Variants in CNOT6 observed in about 807,000 individuals in gnomAD.
The protein encoded by CNOT6 is CCR4-NOT transcription complex subunit 6, also known as carbon catabolite repression 4 protein.
CNOT6 carries 12 observed loss-of-function variants against 61.2 expected under a neutral mutation model. The ratio of observed to expected loss-of-function variants is 0.20; its 90% CI spans 0.13 to 0.32. The LOEUF (loss-of-function observed/expected upper bound fraction) is 0.32. CNOT6 is among the 10% of genes least tolerant of loss of function. CNOT6 has a pLI of 1.00. For missense variants in CNOT6, 405 were observed against 663.9 expected (o/e 0.61, Z 4.28); for synonymous variants, 225 against 240.6 (o/e 0.94, Z 0.60).
chr5:180,533,312 C>CTATATGTATATATA (rs71591497), intron 2 of CNOT6, among the ~76,000 whole-genome samples: 2 of 127,630 alleles, frequency 1.6e-5, no homozygotes, highest in African/African-American at 6.2e-5. Flanking sequence ...GGATGAAAAC[C>CTATATGTATATATA]TATATATATA....
rs573179056 is a variant in CNOT6, at chr5:180,495,390, C to T, written c.-3+627C>T. ...TCTACAAGCAGTTTTCTCTGGTAACCCAAATTGCATCCCTCCTTTTTGTTT... is the reference window on the plus strand; with the variant it reads ...TCTACAAGCAGTTTTCTCTGGTAACTCAAATTGCATCCCTCCTTTTTGTTT... On this transcript the variant is annotated intron_variant, in intron 1 of 11. Transcript: ENST00000261951. The T allele has an allele frequency of 3.3e-5, 5 of 152,298 alleles. No homozygotes were observed. In the South Asian group the frequency reaches 6.2e-4, roughly 19 times the overall value. 9.4% of individuals were successfully genotyped at this position (152,298 alleles called of 1,614,324 possible).
In CNOT6 at chr5:180,566,640, C is replaced by CTT. The variant is rs70973940; in HGVS notation, c.718-422_718-421dup. Among the ~76,000 whole-genome samples the CTT allele has an allele frequency of 7.5e-3, 565 of 75,586 alleles. 41 individuals carry two copies. Among genetic ancestry groups the CTT allele is most frequent in the Non-Finnish European group, 8.6e-3 (362 of 41,894 alleles). The allele number at this position is 75,586 out of a possible 152,430, so 49.6% of individuals were successfully genotyped here. ...GATAAATAGTGTTGAAAAGATGTTACTTTTTTTTTTTTTTTTTTTTTTTTT... is the reference window on the plus strand; with the variant it reads ...GATAAATAGTGTTGAAAAGATGTTACTTTTTTTTTTTTTTTTTTTTTTTTTTT... On this transcript the variant is annotated intron_variant, in intron 7 of 11. Transcript: ENST00000261951.
chr5:180,545,546 T>C (rs1039534360), intron 2 of CNOT6, among the ~76,000 whole-genome samples: 2 of 152,242 alleles, frequency 1.3e-5, no homozygotes, highest in Non-Finnish European at 2.9e-5. Context: ...TGTTGGTTTT[T>C]AGTAGTTCAT....
Position 180,575,020 on chromosome 5 carries a change from T to C in CNOT6, c.*820T>C, listed in dbSNP as rs1010526932. Reference sequence around the variant, plus strand: ...GACATTTATGGACTGAATGTAATGGTTGATATATGTACATTCTGATATTTT... The same window carrying C: ...GACATTTATGGACTGAATGTAATGGCTGATATATGTACATTCTGATATTTT... On this transcript the variant is annotated 3_prime_UTR_variant, in exon 12 of 12. Coordinates refer to ENST00000261951, the MANE Select transcript of CNOT6 (RefSeq NM_001370472.1). 5 of 152,604 alleles carry C rather than the reference T, an allele frequency of 3.3e-5. No homozygotes were observed. The highest frequency in any genetic ancestry group is 5.9e-5 in the Non-Finnish European group (4 of 68,038). The allele number at this position is 152,604 out of a possible 1,614,324, so 9.5% of individuals were successfully genotyped here. A position where few individuals can be genotyped will look rare whatever the true frequency, so the allele number is the denominator to read the frequency against.
chr5:180,571,552 T>A (rs1174014139), intron 11 of CNOT6, 120 bp downstream of exon 11: 4 of 716,226 alleles, frequency 5.6e-6, no homozygotes, highest in Non-Finnish European at 7.1e-6. Flanking sequence ...AGTCTTGAAT[T>A]CATTGACAGC....
chr5:180,540,872 A>G (rs1758995718), intron 2 of CNOT6, among the ~76,000 whole-genome samples: 1 of 152,134 alleles, frequency 6.6e-6, no homozygotes, highest in South Asian at 2.1e-4. Flanking sequence ...AAAATTGGTT[A>G]GTATTTTTCC....
At chr5:180,509,293 G>A (rs1382301274) in intron 1 of CNOT6, among the ~76,000 whole-genome samples, 1 of 151,984 alleles carries the variant, frequency 6.6e-6, no homozygotes, top group Non-Finnish European at 1.5e-5. Context: ...CACCACACTT[G>A]GTTAATTTTG....
intron 4 of CNOT6, 21 bp from the exon 5 acceptor site, chr5:180,564,468 T>A: frequency 6.6e-7 from 1 of 1,519,062 alleles, no homozygotes; most frequent in Non-Finnish European, 9.1e-7. Context: ...TTCATTTTAC[T>A]TATTTCAAAA....
At chr5:180,556,627 C>G (rs1403810467) in intron 4 of CNOT6, among the ~76,000 whole-genome samples, 1 of 152,160 alleles carries the variant, frequency 6.6e-6, no homozygotes, top group African/African-American at 2.4e-5. Context: ...TGTTCCTGCC[C>G]CAGCTCACTG....
intron 1 of CNOT6, among the ~76,000 whole-genome samples, chr5:180,522,884 A>G (rs1757940812): frequency 1.3e-5 from 2 of 152,346 alleles, no homozygotes; most frequent in South Asian, 4.1e-4. Context: ...ATATCCTTAT[A>G]ACGAACCAGT....
At chr5:180,510,529 T>C (rs1348848340) in intron 1 of CNOT6, among the ~76,000 whole-genome samples, 2 of 152,166 alleles carry the variant, frequency 1.3e-5, no homozygotes, top group Admixed American at 1.3e-4. Context: ...ATTTGTAGAA[T>C]TCAAATCATA....
chr5:180,497,842 G>A (rs1480422226), intron 1 of CNOT6, among the ~76,000 whole-genome samples: 2 of 152,040 alleles, frequency 1.3e-5, no homozygotes, highest in Non-Finnish European at 2.9e-5. Context: ...TTAGGAGTTC[G>A]AGACCAGCCT....
chr5:180,556,398 C>G (rs1759893864), intron 4 of CNOT6, among the ~76,000 whole-genome samples: 3 of 152,158 alleles, frequency 2.0e-5, no homozygotes, highest in Middle Eastern at 3.4e-3. Context: ...TTTTTAACAG[C>G]TAAAAGAATG....
chr5:180,543,768 T>C (rs1227497485), intron 2 of CNOT6, among the ~76,000 whole-genome samples: 1 of 152,218 alleles, frequency 6.6e-6, no homozygotes, highest in Non-Finnish European at 1.5e-5. Flanking sequence ...TATTTTGCTA[T>C]CGTAAACATT....
At position 180,577,173 on chromosome 5, in the gene CNOT6, G is replaced by GTGTGTGTGTGTGTT. The variant is rs1554105022; in HGVS notation, c.*2986_*2987insTTGTGTGTGTGTGT. ...AGAACATCTCCAGAAATGTGTGTGTGTGTGTGTGTGTGTGTGTGTGTGTTT... is the reference window on the plus strand; with the variant it reads ...AGAACATCTCCAGAAATGTGTGTGTGTGTGTGTGTGTGTTTGTGTGTGTGTGTGTGTGTGTGTTT... On this transcript the variant is annotated 3_prime_UTR_variant, in exon 12 of 12. Coordinates refer to ENST00000261951, the MANE Select transcript of CNOT6 (RefSeq NM_001370472.1). 2.0e-5 allele frequency: 3 copies of GTGTGTGTGTGTGTT among 151,256 alleles called. No homozygotes were observed. The highest frequency in any genetic ancestry group is 2.9e-5 in the Non-Finnish European group (2 of 67,826). 9.4% of individuals were successfully genotyped at this position (151,256 alleles called of 1,614,324 possible). A position where few individuals can be genotyped will look rare whatever the true frequency, so the allele number is the denominator to read the frequency against.
At chr5:180,537,973 G>C (rs1315991565) in intron 2 of CNOT6, among the ~76,000 whole-genome samples, 1 of 150,694 alleles carries the variant, frequency 6.6e-6, no homozygotes, top group Non-Finnish European at 1.5e-5. Flanking sequence ...CCAGCACTTT[G>C]AGAGGCCAGT....
At chr5:180,566,990 C>T (rs773988857) in intron 7 of CNOT6, 98 bp from the exon 8 acceptor site, 8 of 1,156,622 alleles carry the variant, frequency 6.9e-6, no homozygotes, top group Non-Finnish European at 9.7e-6. Context: ...GCAGACCAGT[C>T]CTTTGAAATT....
intron 1 of CNOT6, among the ~76,000 whole-genome samples, chr5:180,516,185 T>G (rs1176046186): frequency 7.0e-6 from 1 of 143,284 alleles, no homozygotes; most frequent in Non-Finnish European, 1.5e-5. Flanking sequence ...ATTCAGGATT[T>G]TTTTTTTTTT....
intron 1 of CNOT6, among the ~76,000 whole-genome samples, chr5:180,516,929 C>T (rs1490874844): frequency 6.6e-6 from 1 of 152,152 alleles, no homozygotes; most frequent in African/African-American, 2.4e-5. Context: ...ACATTACTGA[C>T]GTGTGTTTCA....
Sources: allele counts gnomAD v4.1 joint callset (sites outside exome capture counted in the v4.1 genomes callset), GRCh38; gene constraint gnomAD v4.1.1; transcripts MANE v1.5; gene names NCBI Gene and HGNC (gene_info 2026-07-23, HGNC 2026-07-21).